Variants in QTMAN observed in about 807,000 individuals in gnomAD.
The protein encoded by QTMAN is queuosine-tRNA mannosyltransferase.
the QTMAN span, among the ~76,000 whole-genome samples, chr2:144,063,103 C>A: frequency 6.6e-6 from 1 of 152,184 alleles, no homozygotes; most frequent in African/African-American, 2.4e-5. Context: ...GGCTACCCTG[C>A]TGTTACGATG....
At chr2:143,984,188 A>G in the QTMAN span, among the ~76,000 whole-genome samples, 116 of 152,328 alleles carry the variant, frequency 7.6e-4, no homozygotes, top group Middle Eastern at 3.4e-3. Context: ...TGGGGGAGTA[A>G]ACTGTTATTT....
At chr2:144,087,550 G>C in the QTMAN span, among the ~76,000 whole-genome samples, 2 of 151,952 alleles carry the variant, frequency 1.3e-5, no homozygotes, top group Non-Finnish European at 2.9e-5. Flanking sequence ...AACACAGATA[G>C]ATGCAAAAAT....
At chr2:144,329,611 A>C in the QTMAN span, among the ~76,000 whole-genome samples, 18 of 152,212 alleles carry the variant, frequency 1.2e-4, no homozygotes, top group Non-Finnish European at 2.5e-4. Context: ...TCTATTACTA[A>C]AATAATGTTC....
the QTMAN span, among the ~76,000 whole-genome samples, chr2:144,188,177 A>C: frequency 6.6e-6 from 1 of 152,248 alleles, no homozygotes; most frequent in Non-Finnish European, 1.5e-5. Flanking sequence ...ACAGATGGTC[A>C]AATCAGTGCA....
At chr2:144,243,579 G>C in the QTMAN span, among the ~76,000 whole-genome samples, 1 of 152,162 alleles carries the variant, frequency 6.6e-6, no homozygotes, top group South Asian at 2.1e-4. Flanking sequence ...AATCCCAGCT[G>C]TTAGAAACGA....
the QTMAN span, among the ~76,000 whole-genome samples, chr2:144,227,832 C>T: frequency 3.9e-5 from 6 of 152,142 alleles, no homozygotes; most frequent in Admixed American, 2.6e-4. Context: ...CCTTGCCTTC[C>T]TCCAAAAGAG....
chr2:144,100,859 C>CTTTTTTTTTTTTTTTT, the QTMAN span, among the ~76,000 whole-genome samples: 104 of 77,916 alleles, frequency 1.3e-3, 2 homozygotes, highest in South Asian at 1.9e-3. Flanking sequence ...GTCTTTCTTT[C>CTTTTTTTTTTTTTTTT]TTTTTTTTTT....
the QTMAN span, chr2:143,945,961 A>G: frequency 6.6e-6 from 1 of 152,262 alleles, no homozygotes. Flanking sequence ...GAAAACGTTC[A>G]GTGAGAAACA....
At chr2:144,077,545 T>TA in the QTMAN span, among the ~76,000 whole-genome samples, 1 of 152,234 alleles carries the variant, frequency 6.6e-6, no homozygotes, top group African/African-American at 2.4e-5. Context: ...TTTGATATTA[T>TA]ATTATCCTAT....
chr2:144,007,219 G>T, the QTMAN span: 1 of 1,608,514 alleles, frequency 6.2e-7, no homozygotes, highest in Non-Finnish European at 8.5e-7. Context: ...AGTCTTTGCT[G>T]ATTATCAACT....
At chr2:143,950,338 G>T in the QTMAN span, among the ~76,000 whole-genome samples, 1 of 151,638 alleles carries the variant, frequency 6.6e-6, no homozygotes, top group Non-Finnish European at 1.5e-5. Flanking sequence ...GAAGCTGTTT[G>T]TAAAATAAAT....
the QTMAN span, among the ~76,000 whole-genome samples, chr2:144,131,504 C>A: frequency 6.6e-6 from 1 of 151,866 alleles, no homozygotes; most frequent in South Asian, 2.1e-4. Flanking sequence ...CTCATGGATA[C>A]CAAGTTATCC....
the QTMAN span, among the ~76,000 whole-genome samples, chr2:144,279,371 A>C: frequency 6.9e-6 from 1 of 144,600 alleles, no homozygotes; most frequent in South Asian, 2.3e-4. Context: ...TCCTCACCGC[A>C]AGAAAAAAAA....
chr2:143,947,323 TGTC>T, the QTMAN span, among the ~76,000 whole-genome samples: 8 of 152,238 alleles, frequency 5.3e-5, no homozygotes, highest in South Asian at 2.1e-4. Context: ...TGGTCTAAAG[TGTC>T]GTTGTATTTC....
the QTMAN span, among the ~76,000 whole-genome samples, chr2:144,097,207 G>C: frequency 0.17 from 25,197 of 152,118 alleles, 4,015 homozygotes; most frequent in African/African-American, 0.41. Context: ...TCTGTTCACA[G>C]TATTATGTTC....
the QTMAN span, among the ~76,000 whole-genome samples, chr2:144,131,295 C>T: frequency 6.6e-6 from 1 of 151,836 alleles, no homozygotes; most frequent in Non-Finnish European, 1.5e-5. Flanking sequence ...CCCCCAGTCA[C>T]TATAATCAAT....
chr2:144,247,039 C>A, the QTMAN span, among the ~76,000 whole-genome samples: 1 of 152,132 alleles, frequency 6.6e-6, no homozygotes, highest in Non-Finnish European at 1.5e-5. Context: ...TGTCACAAAA[C>A]CTTTCTCAGG....
At chr2:143,947,260 A>G in the QTMAN span, 1 of 684,994 alleles carries the variant, frequency 1.5e-6, no homozygotes, top group Non-Finnish European at 2.6e-6. Flanking sequence ...TCAAAAAGCC[A>G]CCAAGTAAAT....
At chr2:144,106,342 T>C in the QTMAN span, among the ~76,000 whole-genome samples, 1 of 152,286 alleles carries the variant, frequency 6.6e-6, no homozygotes, top group African/African-American at 2.4e-5. Flanking sequence ...CCCATCAGTG[T>C]GCTGCATTCA....
Sources: gnomAD v4.1 joint callset for allele counts (sites outside exome capture counted in the v4.1 genomes callset) on GRCh38, gnomAD v4.1.1 for gene constraint, MANE v1.5 for transcripts, NCBI Gene and HGNC (gene_info 2026-07-23, HGNC 2026-07-21) for gene names.